Variants in DHX38 observed in about 807,000 individuals in gnomAD.
The protein encoded by DHX38 is DEAH-box helicase 38, also known as pre-mRNA-splicing factor ATP-dependent RNA helicase PRP16.
A neutral mutation model predicts 153.1 loss-of-function variants in DHX38; 100 were observed. The observed-to-expected ratio is 0.65, with a 90% confidence interval of 0.56 to 0.77. The LOEUF (loss-of-function observed/expected upper bound fraction) is 0.77. Among genes scored for constraint, DHX38 ranks in the 30% least tolerant of loss-of-function variants. The pLI, the probability that DHX38 is intolerant of heterozygous loss-of-function variation, is 0.00. For synonymous variants in DHX38, 650 were observed against 631.7 expected, an observed-to-expected ratio of 1.03 and a Z score of -0.43; for missense variants, 1,440 against 1,654.0, an observed-to-expected ratio of 0.87 and a Z score of 2.24.
chr16:72,103,973 T>A lies in DHX38; in HGVS notation c.1852T>A (p.Cys618Ser). 2 of 1,614,164 alleles carry A rather than the reference T, an allele frequency of 1.2e-6. No homozygotes were observed. The highest frequency in any genetic ancestry group is 1.7e-6 in the Non-Finnish European group (2 of 1,180,026). The change falls in exon 14 of 27, where the codon TGC (cysteine) becomes AGC (serine). Residue 618 changes from cysteine (C) to serine (S), a missense_variant. Around this residue, in one of 6 missense-constraint regions of DHX38, gnomAD observed 21 missense variants for 46.7 expected, o/e 0.45. Coordinates refer to ENST00000268482, the MANE Select transcript of DHX38 (RefSeq NM_014003.4). ...GGGCTATGCCATCCGCTTTGAAGAC[T>A]GCACTTCAGAGAACACCTTGATCAA... ...EVGYAIRFEDCTSENTLIKYM... is the reference protein window; with the variant it reads ...EVGYAIRFEDSTSENTLIKYM...
Position 72,112,417 on chromosome 16 carries a change from A to G in DHX38, c.3604A>G (p.Thr1202Ala). The G allele has an allele frequency of 1.9e-6, 3 of 1,605,632 alleles. No individual in the cohort carries two copies. Among genetic ancestry groups the G allele is most frequent in the Non-Finnish European group, 2.5e-6 (3 of 1,178,526 alleles). ...TCTCTCCTGCTGTGTCTCCAGGTCT[A>G]CGAAGATCTACACTCCAGGCCGGAA... is the stretch of plus-strand genomic sequence containing the variant. ...KRSPLGSVRS[T>A]KIYTPGRKEQ... Residue 1202 changes from threonine to alanine, a missense_variant, in exon 27 of 27, where the codon ACG becomes GCG. By Grantham distance (58) the Thr-to-Ala change is moderately conservative. This residue lies in a region of DHX38 where 75 missense variants were observed against 69.5 expected (regional missense o/e 1.08). Transcript: ENST00000268482.
In DHX38 at chr16:72,104,930, C is replaced by G; in HGVS notation, c.2152-97C>G. 4.0e-6 allele frequency: 5 copies of G among 1,243,778 alleles called. No homozygotes were observed. The highest frequency in any genetic ancestry group is 5.6e-6 in the Non-Finnish European group (5 of 894,104). The allele number at this position is 1,243,778 out of a possible 1,614,324, so 77.0% of individuals were successfully genotyped here. On this transcript the variant is annotated intron_variant, in intron 15 of 26. Coordinates refer to ENST00000268482, the MANE Select transcript of DHX38 (RefSeq NM_014003.4). The surrounding 1 kb of genome is among the most constrained non-coding windows in gnomAD (Gnocchi z 4.5). ...GTGGTGGCCCTCAAAGTCCATGGCT[C>G]CATTCCAGAGCAGTGCCTGGGCCAC...
chr16:72,097,631 C>A, intron 3 of DHX38, 46 bp from the exon 4 acceptor site: 1 of 1,577,758 alleles, frequency 6.3e-7, no homozygotes, highest in East Asian at 2.3e-5. Context: ...ATGTGTATAC[C>A]TTAGGATGGG....
At chr16:72,097,158 T>C (rs189547316) in intron 3 of DHX38, 149 bp downstream of exon 3, 15 of 781,438 alleles carry the variant, frequency 1.9e-5, no homozygotes, top group African/African-American at 5.3e-5. Flanking sequence ...CCTGCTGGGA[T>C]TGGGAATACT....
rs1024050282 is a variant in DHX38, at chr16:72,096,952, A to G, written c.454A>G (p.Lys152Glu). The change falls in exon 3 of 27, where the codon AAG (lysine) becomes GAG (glutamate). Residue 152 changes from lysine (K) to glutamate (E), a missense_variant. By Grantham distance (56) the Lys-to-Glu change is moderately conservative. Around this residue, in one of 6 missense-constraint regions of DHX38, gnomAD observed 483 missense variants for 465.1 expected, o/e 1.04. Coordinates refer to ENST00000268482, the MANE Select transcript of DHX38 (RefSeq NM_014003.4). ...HGVYASSKEEKDWKKEKSRDR... is the reference protein window; with the variant it reads ...HGVYASSKEEEDWKKEKSRDR... Reference sequence around the variant, plus strand: ...TGTCTATGCCTCGTCCAAAGAAGAAAAGGATTGGAAGAAGGAGAAATCGCG... The same window carrying G: ...TGTCTATGCCTCGTCCAAAGAAGAAGAGGATTGGAAGAAGGAGAAATCGCG... 6.8e-6 allele frequency: 11 copies of G among 1,613,976 alleles called. No homozygotes were observed. Among genetic ancestry groups the G allele is most frequent in the African/African-American group, 5.3e-5 (4 of 74,942 alleles).
intron 22 of DHX38, 41 bp downstream of exon 22, chr16:72,108,423 G>T: frequency 1.2e-6 from 2 of 1,613,740 alleles, no homozygotes; most frequent in Non-Finnish European, 1.7e-6. Flanking sequence ...TGAGGGGAGG[G>T]TCGAGAGGAA....
Position 72,101,581 on chromosome 16 carries a change from G to A in DHX38, c.1468G>A (p.Ala490Thr), listed in dbSNP as rs144512086. The change falls in exon 11 of 27, where the codon GCT becomes ACT. Residue 490 changes from alanine to threonine, a missense_variant. Coordinates refer to ENST00000268482, the MANE Select transcript of DHX38 (RefSeq NM_014003.4). ...GVKKEEEPDK[A>T]VTEDGKVDYR... ...CAAGAAGGAGGAAGAGCCAGATAAA[G>A]CTGTGACGGAGGATGGGAAGGTGGA... 1.9e-6 allele frequency: 3 copies of A among 1,551,866 alleles called. No homozygotes were observed. The highest frequency in any genetic ancestry group is 2.4e-5 in the East Asian group (1 of 40,940).
In DHX38 at chr16:72,103,533, GTCT is replaced by G. The variant is rs2042128822; in HGVS notation, c.1638-64_1638-62del. 2.6e-6 allele frequency: 4 copies of G among 1,539,516 alleles called. No individual in the cohort carries two copies. The East Asian group carries it at 6.8e-5, about 26-fold the overall frequency. Reference sequence around the variant, plus strand: ...AGTCATGGGGATAGGAGGTAGCGGAGTCTTCTTGGAGGCTGGGTGTTGGCCTTC... The same window carrying G: ...AGTCATGGGGATAGGAGGTAGCGGAGTCTTGGAGGCTGGGTGTTGGCCTTC... On this transcript the variant is annotated intron_variant, in intron 12 of 26. Transcript: ENST00000268482.
At chr16:72,095,894 GGTGTGTGT>G (rs67109934) in intron 1 of DHX38, among the ~76,000 whole-genome samples, 3 of 147,168 alleles carry the variant, frequency 2.0e-5, no homozygotes, top group East Asian at 2.0e-4. Context: ...GAATGTATGG[GGTGTGTGT>G]GTGTGTGTGT....
rs538353530 is a variant in DHX38 at position 72,103,875 on chromosome 16, G to A, written c.1825-71G>A. On this transcript the variant is annotated intron_variant, in intron 13 of 26. Transcript: ENST00000268482. ...TAAAGGGTGTGATCTGCTAAGACTC[G>A]GACCCCAGTACGGGGTGTGCTGGTG... 1.4e-5 allele frequency: 23 copies of A among 1,601,114 alleles called. No individual in the cohort carries two copies. The East Asian group carries it at 2.7e-4, about 19-fold the overall frequency.
Position 72,098,774 on chromosome 16 carries a change from C to T in DHX38, c.746C>T (p.Ser249Phe), listed in dbSNP as rs1272020330. Reference sequence around the variant, plus strand: ...GATTCTGAGCGGAGCCATCGGCTGTCCACTCGAGATCGAGACAGGTGATGT... The same window carrying T: ...GATTCTGAGCGGAGCCATCGGCTGTTCACTCGAGATCGAGACAGGTGATGT... ...YRDSERSHRL[S>F]TRDRDRSVRG... is the part of the protein sequence containing the mutation. The change falls in exon 5 of 27, where the codon TCC becomes TTC. Residue 249 changes from serine (S) to phenylalanine (F), a missense_variant. Ser to Phe is a radical substitution (Grantham distance 155, BLOSUM62 -2). Coordinates refer to ENST00000268482, the MANE Select transcript of DHX38 (RefSeq NM_014003.4). The T allele has an allele frequency of 6.2e-7, 1 of 1,614,136 alleles. No homozygotes were observed. The highest frequency in any genetic ancestry group is 1.7e-5 in the Admixed American group (1 of 60,024).
intron 9 of DHX38, 53 bp from the exon 10 acceptor site, chr16:72,101,033 A>T: frequency 6.5e-7 from 1 of 1,547,330 alleles, no homozygotes; most frequent in South Asian, 1.1e-5. Context: ...TCTTATGAAC[A>T]TGGCCTTCTT....
intron 4 of DHX38, among the ~76,000 whole-genome samples, chr16:72,098,018 A>G (rs2042045401): frequency 6.6e-6 from 1 of 152,236 alleles, no homozygotes; most frequent in Non-Finnish European, 1.5e-5. Context: ...ATGGTAGGAA[A>G]GAATAGGGAG....
At chr16:72,097,909 G>C in intron 4 of DHX38, 128 bp downstream of exon 4, 2 of 930,818 alleles carry the variant, frequency 2.1e-6, no homozygotes, top group Non-Finnish European at 3.3e-6. Context: ...AACATCTTGG[G>C]ATAGTTGGTT....
intron 10 of DHX38, 74 bp from the exon 11 acceptor site, chr16:72,101,426 C>A: frequency 1.4e-6 from 2 of 1,440,164 alleles, no homozygotes; most frequent in Non-Finnish European, 1.9e-6. Flanking sequence ...GAAGTCTGCT[C>A]TCCCGTGGGA....
Position 72,104,771 on chromosome 16 carries a change from C to A in DHX38, c.2151+145C>A. On this transcript the variant is annotated intron_variant, in intron 15 of 26. Transcript: ENST00000268482. This position sits in a 1 kb window ranked among gnomAD's most constrained non-coding sequence, Gnocchi z 4.5. ...ATGGGGCAAATGGGGCAGCCTGCAG[C>A]TCTGGGACTCGGGGACAAAGGACTC... The A allele has an allele frequency of 8.3e-7, 1 of 1,200,168 alleles. No individual in the cohort carries two copies. The highest frequency in any genetic ancestry group is 1.4e-5 in the South Asian group (1 of 72,058). The allele number at this position is 1,200,168 out of a possible 1,614,324, so 74.3% of individuals were successfully genotyped here.
chr16:72,100,932 C>CA (rs1056653056), intron 9 of DHX38, 154 bp from the exon 10 acceptor site: 163 of 749,162 alleles, frequency 2.2e-4, no homozygotes, highest in Non-Finnish European at 3.2e-4. Flanking sequence ...GTCTCACACA[C>CA]AAAAAAGGCC....
chr16:72,103,233 G>A, intron 12 of DHX38, 22 bp downstream of exon 12: 1 of 1,610,014 alleles, frequency 6.2e-7, no homozygotes, highest in Non-Finnish European at 8.5e-7. Flanking sequence ...CGGGGCCCAG[G>A]AATCTAGTGT....
At position 72,103,990 on chromosome 16, in the gene DHX38, C is replaced by G. The variant is rs769849527; in HGVS notation, c.1869C>G (p.Thr623=). ...IRFEDCTSEN[T]LIKYMTDGIL... ...TTGAAGACTGCACTTCAGAGAACACCTTGATCAAATACATGACTGACGGGA... is the reference window on the plus strand; with the variant it reads ...TTGAAGACTGCACTTCAGAGAACACGTTGATCAAATACATGACTGACGGGA... Residue 623 remains threonine, a synonymous_variant, in exon 14 of 27, where the codon ACC becomes ACG. Coordinates refer to ENST00000268482, the MANE Select transcript of DHX38 (RefSeq NM_014003.4). 1 of 1,614,190 alleles carries G rather than the reference C, an allele frequency of 6.2e-7. No individual in the cohort carries two copies. The highest frequency in any genetic ancestry group is 1.1e-5 in the South Asian group (1 of 91,082).
Sources: gnomAD v4.1 joint callset for allele counts (sites outside exome capture counted in the v4.1 genomes callset) on GRCh38, gnomAD v4.1.1 for gene constraint, gnomAD v4.1.1 regional missense constraint, Gnocchi (gnomAD v3.1) non-coding constraint, MANE v1.5 for transcripts, NCBI Gene and HGNC (gene_info 2026-07-23, HGNC 2026-07-21) for gene names.